Variants in RGS5 observed in about 807,000 individuals in gnomAD.
RGS5 encodes regulator of G-protein signalling 5.
RGS5 carries 20 observed loss-of-function variants against 18.9 expected under a neutral mutation model. The ratio of observed to expected loss-of-function variants is 1.06; its 90% CI spans 0.74 to 1.54. RGS5 has a LOEUF of 1.54. Ranked by LOEUF, RGS5 falls within the 40% of genes most tolerant of loss-of-function variation. RGS5 has a pLI of 0.00. For missense variants in RGS5, 201 were observed against 211.8 expected (o/e 0.95, Z 0.32); for synonymous variants, 57 against 76.2 (o/e 0.75, Z 1.31).
At chr1:163,303,968 C>T (rs1220907324) in intron 2 of RGS5, among the ~76,000 whole-genome samples, 1 of 152,166 alleles carries the variant, frequency 6.6e-6, no homozygotes, top group South Asian at 2.1e-4. Context: ...CCAACTCCTG[C>T]TCCCCCAACC....
chr1:163,262,793 A>G, intron 2 of RGS5, among the ~76,000 whole-genome samples: 1 of 151,292 alleles, frequency 6.6e-6, no homozygotes, highest in Non-Finnish European at 1.5e-5. Context: ...AAGTGTTCCT[A>G]TTTCTCCACA....
chr1:163,310,812 T>C (rs1649836440), intron 1 of RGS5, among the ~76,000 whole-genome samples: 1 of 152,044 alleles, frequency 6.6e-6, no homozygotes, highest in Admixed American at 6.5e-5. Flanking sequence ...AAGAAAGAGG[T>C]TTAATTGACT....
intron 2 of RGS5, among the ~76,000 whole-genome samples, chr1:163,274,276 C>T (rs535865206): frequency 6.6e-6 from 1 of 151,874 alleles, no homozygotes; most frequent in Admixed American, 6.6e-5. Flanking sequence ...GAACTTTCAG[C>T]CCCACCCACT....
At chr1:163,279,120 CAG>C (rs1190402449) in intron 2 of RGS5, among the ~76,000 whole-genome samples, 1 of 152,066 alleles carries the variant, frequency 6.6e-6, no homozygotes, top group African/African-American at 2.4e-5. Flanking sequence ...ATAATCTAGA[CAG>C]AAGATCAACA....
At chr1:163,169,324 T>C (rs1307275774) in intron 1 of RGS5, among the ~76,000 whole-genome samples, 2 of 152,088 alleles carry the variant, frequency 1.3e-5, no homozygotes, top group African/African-American at 2.4e-5. Flanking sequence ...AATAAACATA[T>C]GTGTGCATGT....
chr1:163,311,288 C>G (rs2175014), intron 1 of RGS5, among the ~76,000 whole-genome samples: 35,904 of 152,134 alleles, frequency 0.24, 5,594 homozygotes, highest in East Asian at 0.66. Context: ...CTGATTTGAT[C>G]TATCCAGACC....
chr1:163,199,852 G>C (rs1659708059), intron 1 of RGS5, among the ~76,000 whole-genome samples: 1 of 151,958 alleles, frequency 6.6e-6, no homozygotes, highest in African/African-American at 2.4e-5. Context: ...TGTTACCCAG[G>C]TTGGGGTACA....
At chr1:163,190,917 G>A (rs1659321776) in intron 1 of RGS5, among the ~76,000 whole-genome samples, 1 of 152,098 alleles carries the variant, frequency 6.6e-6, no homozygotes, top group African/African-American at 2.4e-5. Flanking sequence ...GGAATTCAAG[G>A]GGTTCATTAA....
chr1:163,245,163 C>A lies in RGS5; in HGVS notation c.-281+61070G>T, dbSNP rs575316390. The A allele has an allele frequency of 3.3e-5, 5 of 152,250 alleles. No homozygotes were observed. In the South Asian group the frequency reaches 8.3e-4, roughly 25 times the overall value. The allele number at this position is 152,250 out of a possible 1,614,324, so 9.4% of individuals were successfully genotyped here. On this transcript the variant is annotated intron_variant, in intron 2 of 5. Transcript: ENST00000618415. ...CCAGAATATTCATAGCTTTAAAATT[C>A]TTTCTTTTGTGTGTGTTGCAGGATG...
chr1:163,195,639 T>A (rs909592915), intron 1 of RGS5, among the ~76,000 whole-genome samples: 7 of 151,894 alleles, frequency 4.6e-5, no homozygotes, highest in African/African-American at 1.7e-4. Context: ...AAGTATTTTT[T>A]AAATACTGTA....
chr1:163,294,690 T>C (rs1649380560), intron 2 of RGS5, among the ~76,000 whole-genome samples: 1 of 152,238 alleles, frequency 6.6e-6, no homozygotes, highest in Non-Finnish European at 1.5e-5. Context: ...TGGGGTTTTC[T>C]TTTCTATTGC....
intron 2 of RGS5, among the ~76,000 whole-genome samples, chr1:163,263,122 A>T (rs1009159068): frequency 6.6e-6 from 1 of 152,188 alleles, no homozygotes; most frequent in Non-Finnish European, 1.5e-5. Flanking sequence ...CAGTCTGGGC[A>T]GCTGTAACTT....
intron 2 of RGS5, among the ~76,000 whole-genome samples, chr1:163,259,411 G>A (rs186780334): frequency 6.7e-6 from 1 of 150,322 alleles, no homozygotes; most frequent in East Asian, 2.0e-4. Context: ...TGATCCGCCC[G>A]CCTCTGCTTC....
chr1:163,241,774 A>T (rs917146023), intron 2 of RGS5, among the ~76,000 whole-genome samples: 1 of 152,186 alleles, frequency 6.6e-6, no homozygotes, highest in African/African-American at 2.4e-5. Flanking sequence ...GTGTATAAAA[A>T]TAAGATAAAA....
intron 1 of RGS5, among the ~76,000 whole-genome samples, chr1:163,214,755 T>C (rs1660179564): frequency 6.6e-6 from 1 of 152,232 alleles, no homozygotes; most frequent in African/African-American, 2.4e-5. Context: ...TTATTGTTGC[T>C]ATTTGCTTTT....
chr1:163,193,832 C>G lies in RGS5; in HGVS notation c.44+8960G>C, dbSNP rs559850585. 3.9e-5 allele frequency among the ~76,000 whole-genome samples: 6 copies of G among 152,268 alleles called. 1 individual carries two copies. The highest frequency in any genetic ancestry group is 3.9e-4 in the Admixed American group (6 of 15,290). On this transcript the variant is annotated intron_variant, in intron 1 of 4. Coordinates refer to ENST00000313961, the MANE Select transcript of RGS5 (RefSeq NM_003617.4). ...CTCATCCCATCCTCAAGGATGAAAA[C>G]TTTTCCACTGTTAAGGCAAATGACA...
chr1:163,255,366 A>G (rs1224917530), intron 2 of RGS5, among the ~76,000 whole-genome samples: 1 of 152,192 alleles, frequency 6.6e-6, no homozygotes, highest in East Asian at 1.9e-4. Context: ...TCTAGAAGAA[A>G]TGGGTAAATT....
At chr1:163,171,963 A>G (rs537174417) in intron 1 of RGS5, among the ~76,000 whole-genome samples, 5 of 152,196 alleles carry the variant, frequency 3.3e-5, no homozygotes, top group African/African-American at 1.2e-4. Context: ...ATCAGGGGGA[A>G]CTTCTCAGAG....
intron 2 of RGS5, among the ~76,000 whole-genome samples, chr1:163,243,423 G>GGATCACGA (rs1160176458): frequency 2.6e-5 from 4 of 152,130 alleles, no homozygotes; most frequent in Non-Finnish European, 5.9e-5. Flanking sequence ...CGAGCGGGGT[G>GGATCACGA]GATCACGAGA....
Sources: allele counts gnomAD v4.1 joint callset (sites outside exome capture counted in the v4.1 genomes callset), GRCh38; gene constraint gnomAD v4.1.1; transcripts MANE v1.5; gene names NCBI Gene and HGNC (gene_info 2026-07-23, HGNC 2026-07-21).